The following NDUFA8 variants were observed in gnomAD, a reference collection of about 807,000 sequenced individuals.
The protein encoded by NDUFA8 is NADH:ubiquinone oxidoreductase subunit A8.
In NDUFA8, 16 loss-of-function variants were observed where a neutral mutation model predicts 20.9. That is an observed-to-expected ratio of 0.77 (90% confidence interval 0.52 to 1.16). The LOEUF is 1.16. NDUFA8 is among the 50% of genes most tolerant of loss of function. The probability of loss-of-function intolerance (pLI) is 0.00; values close to 1 mark genes in which losing one functional copy is unlikely to be tolerated. For missense variants in NDUFA8, 202 were observed against 216.4 expected (o/e 0.93, Z 0.42); for synonymous variants, 70 against 76.1 (o/e 0.92, Z 0.41).
the NDUFA8 span, among the ~76,000 whole-genome samples, chr9:122,133,878 G>T: frequency 6.6e-6 from 1 of 152,212 alleles, no homozygotes; most frequent in African/African-American, 2.4e-5. Context: ...AGCCAGGAAG[G>T]GGCTGGTGCC....
chr9:122,151,177 T>C (rs1031603461), intron 2 of NDUFA8, among the ~76,000 whole-genome samples: 1 of 152,128 alleles, frequency 6.6e-6, no homozygotes, highest in Non-Finnish European at 1.5e-5. Context: ...CTATTTTTTT[T>C]CTCTAACTTC....
At chr9:122,158,971 A>G (rs1054986094) in intron 1 of NDUFA8, among the ~76,000 whole-genome samples, 1 of 152,080 alleles carries the variant, frequency 6.6e-6, no homozygotes, top group African/African-American at 2.4e-5. Context: ...CACTAACTAC[A>G]TTGTACTGTG....
At chr9:122,137,763 T>C in the NDUFA8 span, among the ~76,000 whole-genome samples, 1 of 152,226 alleles carries the variant, frequency 6.6e-6, no homozygotes. Context: ...AGAGAAACTA[T>C]GTTTCATATA....
chr9:122,140,967 G>A (rs1828810451), downstream of NDUFA8, among the ~76,000 whole-genome samples: 1 of 152,150 alleles, frequency 6.6e-6, no homozygotes, highest in Non-Finnish European at 1.5e-5. Flanking sequence ...TTGTGTCACG[G>A]GAACAAAGGG....
intron 3 of NDUFA8, among the ~76,000 whole-genome samples, chr9:122,147,910 G>A (rs1439781505): frequency 6.6e-6 from 1 of 152,190 alleles, no homozygotes; most frequent in East Asian, 1.9e-4. Flanking sequence ...ACAGGCGTGA[G>A]CCACCACGCC....
In NDUFA8 at chr9:122,159,650, G is replaced by C; in HGVS notation, c.28C>G (p.Leu10Val). 6.2e-7 allele frequency: 1 copy of C among 1,614,176 alleles called. No homozygotes were observed. Among genetic ancestry groups the C allele is most frequent in the Non-Finnish European group, 8.5e-7 (1 of 1,180,002 alleles). The change falls in exon 1 of 4, where the codon CTA (leucine) becomes GTA (valine). Residue 10 changes from leucine to valine, a missense_variant. By Grantham distance (32) the Leu-to-Val change is conservative (BLOSUM62 1). Transcript: ENST00000373768. ...ACCTCATCTACTTTCAGCTCCTCTAGAGTGGGCAGCTCCACTATCCCCGGC... is the reference window on the plus strand; with the variant it reads ...ACCTCATCTACTTTCAGCTCCTCTACAGTGGGCAGCTCCACTATCCCCGGC... MPGIVELPT[L>V]EELKVDEVKI...
At chr9:122,136,776 C>T in the NDUFA8 span, among the ~76,000 whole-genome samples, 2 of 152,184 alleles carry the variant, frequency 1.3e-5, no homozygotes, top group African/African-American at 2.4e-5. Flanking sequence ...AGGCTGGTCT[C>T]AAACTCCTGA....
intron 2 of NDUFA8, among the ~76,000 whole-genome samples, chr9:122,150,330 G>C: frequency 7.0e-6 from 1 of 143,228 alleles, no homozygotes; most frequent in East Asian, 2.1e-4. Context: ...AGAATGGCGC[G>C]AACCCGGGAG....
Position 122,144,372 on chromosome 9 carries a change from TG to T in NDUFA8, c.387del (p.Val131Ter). On this transcript the variant is annotated frameshift_variant, in exon 4 of 4. Coordinates refer to ENST00000373768, the MANE Select transcript of NDUFA8 (RefSeq NM_014222.3). LOFTEE classifies it high-confidence loss of function. ...GGTAAAGGTCGATCTGTTTTCACTT[TG>T]GTGACCTGGGAAGGGTGAAGAGGGC... Reference protein sequence around the residue: ...RPDLGELSKVTKVKTDRPLPE... With the variant: ...RPDLGELSKVXKVKTDRPLPE... 1 of 1,614,190 alleles carries T rather than the reference TG, an allele frequency of 6.2e-7. No homozygotes were observed. The highest frequency in any genetic ancestry group is 8.5e-7 in the Non-Finnish European group (1 of 1,180,022).
chr9:122,145,485 A>C (rs1588290916), intron 3 of NDUFA8, among the ~76,000 whole-genome samples: 1 of 151,854 alleles, frequency 6.6e-6, no homozygotes. Flanking sequence ...TCTTCTGATT[A>C]TTCTTCTACT....
chr9:122,151,625 G>A lies in NDUFA8; in HGVS notation c.215+620C>T, dbSNP rs573339167. On this transcript the variant is annotated intron_variant, in intron 2 of 3. Coordinates refer to ENST00000373768, the MANE Select transcript of NDUFA8 (RefSeq NM_014222.3). ...AGAGGCAAAAAGACATCAAGTAGTT[G>A]TGAAATTATTTAAGCCCTTGAATCC... 1.1e-4 allele frequency among the ~76,000 whole-genome samples: 16 copies of A among 152,350 alleles called. No homozygotes were observed. The South Asian group carries it at 2.9e-3, about 28-fold the overall frequency.
chr9:122,134,811 C>T, the NDUFA8 span, among the ~76,000 whole-genome samples: 1 of 152,190 alleles, frequency 6.6e-6, no homozygotes, highest in African/African-American at 2.4e-5. Context: ...AATTCCGACA[C>T]TCCATGAGTT....
chr9:122,152,488 G>T, intron 1 of NDUFA8, 80 bp from the exon 2 acceptor site: 2 of 1,370,256 alleles, frequency 1.5e-6, no homozygotes, highest in Non-Finnish European at 2.1e-6. Context: ...ATGCGGGTCA[G>T]AATAGAGAAC....
downstream of NDUFA8, among the ~76,000 whole-genome samples, chr9:122,142,546 T>C (rs1483232159): frequency 6.6e-6 from 1 of 152,042 alleles, no homozygotes; most frequent in Non-Finnish European, 1.5e-5. Flanking sequence ...AGAATAGGAG[T>C]GTGGCCATTG....
At position 122,159,769 on chromosome 9, in the gene NDUFA8, C is replaced by A; in HGVS notation, c.-92G>T. 2 of 1,586,518 alleles carry A rather than the reference C, an allele frequency of 1.3e-6. No individual in the cohort carries two copies. The highest frequency in any genetic ancestry group is 2.2e-5 in the South Asian group (2 of 90,496). The stretch of plus-strand genomic sequence containing the variant: ...CTTTCGACCGCCGAGTGCCACACGG[C>A]GCCTGCGCATGCGCATCCGGCAACA... On this transcript the variant is annotated 5_prime_UTR_variant, in exon 1 of 4. Coordinates refer to ENST00000373768, the MANE Select transcript of NDUFA8 (RefSeq NM_014222.3).
the NDUFA8 span, among the ~76,000 whole-genome samples, chr9:122,134,398 C>T: frequency 2.6e-5 from 4 of 152,166 alleles, no homozygotes; most frequent in Non-Finnish European, 5.9e-5. Flanking sequence ...TCAGCTTCTT[C>T]ATCCATAAAA....
chr9:122,154,115 A>G (rs1170785043), intron 1 of NDUFA8, among the ~76,000 whole-genome samples: 1 of 152,244 alleles, frequency 6.6e-6, no homozygotes, highest in South Asian at 2.1e-4. Flanking sequence ...ATAAGCTCCC[A>G]GAGGGAAGGG....
At position 122,159,686 on chromosome 9, in the gene NDUFA8, C is replaced by T. The variant is rs766719520; in HGVS notation, c.-9G>A. The T allele has an allele frequency of 1.9e-6, 3 of 1,614,144 alleles. No individual in the cohort carries two copies. The East Asian group carries it at 6.7e-5, about 36-fold the overall frequency. On this transcript the variant is annotated 5_prime_UTR_variant, in exon 1 of 4. Transcript: ENST00000373768. ...TCCACTATCCCCGGCATGACGGCTG[C>T]AGCCCCGACCCCGACGAGAAGCCCT...
chr9:122,137,240 T>TC, the NDUFA8 span, among the ~76,000 whole-genome samples: 2 of 114,182 alleles, frequency 1.8e-5, no homozygotes, highest in African/African-American at 6.0e-5. Context: ...TTCCTTTCCT[T>TC]TTTTTTTTTT....
Sources: gnomAD v4.1 joint callset for allele counts (sites outside exome capture counted in the v4.1 genomes callset) on GRCh38, gnomAD v4.1.1 for gene constraint, MANE v1.5 for transcripts, NCBI Gene and HGNC (gene_info 2026-07-23, HGNC 2026-07-21) for gene names.